SNTB1: variants seen among roughly 807,000 people sequenced by gnomAD.
SNTB1 encodes syntrophin beta 1.
A neutral mutation model predicts 48.9 loss-of-function variants in SNTB1; 36 were observed. That is an observed-to-expected ratio of 0.74 (90% confidence interval 0.56 to 0.97). The LOEUF is 0.97. Among genes scored for constraint, SNTB1 ranks in the 50% least tolerant of loss-of-function variants. The pLI is 0.00. For synonymous variants in SNTB1, 299 were observed against 294.6 expected, an observed-to-expected ratio of 1.01 and a Z score of -0.15; for missense variants, 786 against 703.4, an observed-to-expected ratio of 1.12 and a Z score of -1.33.
intron 2 of SNTB1, chr8:120,637,633 T>C: frequency 3.7e-6 from 1 of 268,456 alleles, no homozygotes. Context: ...ACAGCCAGGC[T>C]TCTTACTATA....
intron 2 of SNTB1, among the ~76,000 whole-genome samples, chr8:120,689,752 A>G (rs1818095111): frequency 6.6e-6 from 1 of 152,154 alleles, no homozygotes; most frequent in African/African-American, 2.4e-5. Context: ...AACCCATGAA[A>G]AAAAGGCTTT....
intron 5 of SNTB1, among the ~76,000 whole-genome samples, chr8:120,545,718 C>T (rs1815369961): frequency 6.6e-6 from 1 of 152,158 alleles, no homozygotes; most frequent in Non-Finnish European, 1.5e-5. Context: ...GCGAAGTAGG[C>T]GTTAGGCCCA....
At chr8:120,650,916 T>C (rs188123103) in intron 2 of SNTB1, among the ~76,000 whole-genome samples, 101 of 152,338 alleles carry the variant, frequency 6.6e-4, no homozygotes, top group Non-Finnish European at 1.1e-3. Context: ...TGGATTCAGA[T>C]TGGCTTTATG....
intron 4 of SNTB1, among the ~76,000 whole-genome samples, chr8:120,564,416 C>T (rs935492174): frequency 1.3e-5 from 2 of 150,580 alleles, no homozygotes; most frequent in Non-Finnish European, 3.0e-5. Flanking sequence ...ATCATGCTGG[C>T]ACTTAATCTG....
intron 3 of SNTB1, among the ~76,000 whole-genome samples, chr8:120,592,730 T>C (rs4475531): frequency 0.91 from 138,498 of 152,110 alleles, 63,154 homozygotes; most frequent in Middle Eastern, 0.96. Flanking sequence ...ATATCATAAA[T>C]GGTGGTAACT....
intron 1 of SNTB1, among the ~76,000 whole-genome samples, chr8:120,800,156 G>A (rs1820197538): frequency 6.6e-6 from 1 of 151,926 alleles, no homozygotes; most frequent in Non-Finnish European, 1.5e-5. Flanking sequence ...ATGTACCCAG[G>A]GGAACCTCCA....
intron 1 of SNTB1, among the ~76,000 whole-genome samples, chr8:120,730,168 T>A (rs1014132498): frequency 2.0e-5 from 3 of 152,128 alleles, no homozygotes; most frequent in Non-Finnish European, 4.4e-5. Flanking sequence ...TTATTATGAT[T>A]ATTTTTTTGA....
At chr8:120,776,627 G>A (rs932315253) in intron 1 of SNTB1, 1 of 152,092 alleles carries the variant, frequency 6.6e-6, no homozygotes, top group Non-Finnish European at 1.5e-5. Flanking sequence ...ATAAAACTTC[G>A]TTTGGGAACA....
At chr8:120,562,846 A>G (rs10216544) in intron 4 of SNTB1, among the ~76,000 whole-genome samples, 74,855 of 151,508 alleles carry the variant, frequency 0.49, 19,898 homozygotes, top group Non-Finnish European at 0.62. Flanking sequence ...TTGTTCTTTC[A>G]CTCTTCACAA....
At chr8:120,775,720 AAGG>A (rs1819723066) in intron 1 of SNTB1, among the ~76,000 whole-genome samples, 1 of 119,992 alleles carries the variant, frequency 8.3e-6, no homozygotes, top group Non-Finnish European at 1.7e-5. Flanking sequence ...GGAAGGAAGG[AAGG>A]AAGGAAGGAA....
intron 3 of SNTB1, among the ~76,000 whole-genome samples, chr8:120,624,292 G>A (rs2130745149): frequency 6.6e-6 from 1 of 152,266 alleles, no homozygotes; most frequent in Non-Finnish European, 1.5e-5. Context: ...TGGAGGCTGG[G>A]AAGTCCAAGG....
intron 3 of SNTB1, among the ~76,000 whole-genome samples, chr8:120,602,273 C>T (rs985058683): frequency 1.3e-5 from 2 of 152,176 alleles, no homozygotes; most frequent in South Asian, 4.1e-4. Flanking sequence ...GCTATTTTTA[C>T]TCTGTGTGAT....
intron 3 of SNTB1, among the ~76,000 whole-genome samples, chr8:120,587,747 C>T (rs780348372): frequency 1.3e-5 from 2 of 152,194 alleles, no homozygotes; most frequent in African/African-American, 2.4e-5. Flanking sequence ...CATTTCCCTT[C>T]ATTAGGTGTG....
chr8:120,731,344 C>A (rs911362240), intron 1 of SNTB1, among the ~76,000 whole-genome samples: 1 of 152,106 alleles, frequency 6.6e-6, no homozygotes, highest in Non-Finnish European at 1.5e-5. Context: ...TATACAACCA[C>A]AATATACAGG....
chr8:120,603,851 T>G (rs780814793), intron 3 of SNTB1, among the ~76,000 whole-genome samples: 43 of 152,322 alleles, frequency 2.8e-4, no homozygotes, highest in African/African-American at 3.6e-4. Context: ...AAGCTCTTTC[T>G]AATGGAATTG....
intron 6 of SNTB1, 111 bp downstream of exon 6, chr8:120,541,699 T>A: frequency 1.5e-6 from 1 of 663,504 alleles, no homozygotes; most frequent in Non-Finnish European, 2.3e-6. Context: ...AAACATGGGC[T>A]TGCAAGCACA....
At chr8:120,750,828 A>G (rs906879519) in intron 1 of SNTB1, among the ~76,000 whole-genome samples, 3 of 152,118 alleles carry the variant, frequency 2.0e-5, no homozygotes, top group African/African-American at 7.2e-5. Flanking sequence ...TCCAAGCAGA[A>G]TCAGCTTTAT....
intron 3 of SNTB1, among the ~76,000 whole-genome samples, chr8:120,626,071 G>A (rs1816877597): frequency 6.6e-6 from 1 of 152,194 alleles, no homozygotes; most frequent in African/African-American, 2.4e-5. Flanking sequence ...TTCTAATGTA[G>A]GTGGGCAATG....
At chr8:120,635,276 T>C (rs1219318911) in intron 2 of SNTB1, among the ~76,000 whole-genome samples, 1 of 152,190 alleles carries the variant, frequency 6.6e-6, no homozygotes, top group Non-Finnish European at 1.5e-5. Flanking sequence ...TCAGTAAAGC[T>C]GCAGAGCAGA....
Sources: gnomAD v4.1 joint callset for allele counts (sites outside exome capture counted in the v4.1 genomes callset) on GRCh38, gnomAD v4.1.1 for gene constraint, MANE v1.5 for transcripts, NCBI Gene and HGNC (gene_info 2026-07-23, HGNC 2026-07-21) for gene names.